Variants in CITED2 observed in about 807,000 individuals in gnomAD.
CITED2 encodes the protein Cbp/p300 interacting transactivator with ED-rich tail 2.
In CITED2, 2 loss-of-function variants were observed where a neutral mutation model predicts 11.8. The observed-to-expected ratio is 0.17, with a 90% CI of 0.07 to 0.54. The LOEUF (loss-of-function observed/expected upper bound fraction) is 0.54, where lower values mean the gene tolerates loss of function less well. Ranked by LOEUF, CITED2 falls within the 20% of genes least tolerant of loss-of-function variation. The pLI is 0.94. For missense variants in CITED2, 437 were observed against 390.2 expected, an observed-to-expected ratio of 1.12 and a Z score of -1.01; for synonymous variants, 210 against 153.0, an observed-to-expected ratio of 1.37 and a Z score of -2.75.
rs1175839177 is a variant in CITED2 at position 139,372,379 on chromosome 6, G to A, written c.*753C>T. The stretch of plus-strand genomic sequence containing the variant: ...TTCCTAAAAAGCTTTCAACACAGTA[G>A]TATCTTTTCATGTACTGAATATAAC... On this transcript the variant is annotated 3_prime_UTR_variant, in exon 2 of 2. Coordinates refer to ENST00000367651, the MANE Select transcript of CITED2 (RefSeq NM_006079.5). 6.6e-6 allele frequency: 1 copy of A among 152,552 alleles called. No homozygotes were observed. The highest frequency in any genetic ancestry group is 2.4e-5 in the African/African-American group (1 of 41,404). 9.4% of individuals were successfully genotyped at this position (152,552 alleles called of 1,614,324 possible). A position where few individuals can be genotyped will look rare whatever the true frequency, so the allele number is the denominator to read the frequency against.
intron 1 of CITED2, 162 bp downstream of exon 1, chr6:139,374,251 C>A: frequency 7.4e-7 from 1 of 1,356,454 alleles, no homozygotes; most frequent in Non-Finnish European, 9.7e-7. Context: ...TGCCCCGTAG[C>A]CCTGCTGCGA....
chr6:139,374,640 A>C lies in CITED2; in HGVS notation c.-236T>G. ...CAGGACCGCCCGGCAGCTGCCAACAATGAGCTGTGTTTCTTAGGGCTTTGG... is the reference window on the plus strand; with the variant it reads ...CAGGACCGCCCGGCAGCTGCCAACACTGAGCTGTGTTTCTTAGGGCTTTGG... On this transcript the variant is annotated 5_prime_UTR_variant, in exon 1 of 2. Coordinates refer to ENST00000367651, the MANE Select transcript of CITED2 (RefSeq NM_006079.5). 2 of 157,524 alleles carry C rather than the reference A, an allele frequency of 1.3e-5. No homozygotes were observed. The highest frequency in any genetic ancestry group is 2.8e-5 in the Non-Finnish European group (2 of 71,480). The allele number at this position is 157,524 out of a possible 1,614,324, so 9.8% of individuals were successfully genotyped here.
chr6:139,373,956 G>T lies in CITED2; in HGVS notation c.-8-4C>A, dbSNP rs1039752293. On this transcript the variant is annotated splice_polypyrimidine_tract_variant and splice_region_variant and intron_variant, in intron 1 of 1. Coordinates refer to ENST00000367651, the MANE Select transcript of CITED2 (RefSeq NM_006079.5). ...ATATGGTCTGCCATTTCCAGTCCTG[G>T]AAGTGAAAAGGGCAGATAATGAGAC... is the stretch of plus-strand genomic sequence containing the variant. 1 of 1,596,824 alleles carries T rather than the reference G, an allele frequency of 6.3e-7. No homozygotes were observed. Among genetic ancestry groups the T allele is most frequent in the Middle Eastern group, 1.9e-4 (1 of 5,168 alleles).
At position 139,372,693 on chromosome 6, in the gene CITED2, C is replaced by T; in HGVS notation, c.*439G>A. 1 of 226,276 alleles carries T rather than the reference C, an allele frequency of 4.4e-6. No individual in the cohort carries two copies. Among genetic ancestry groups the T allele is most frequent in the Non-Finnish European group, 9.1e-6 (1 of 109,906 alleles). The allele number at this position is 226,276 out of a possible 1,614,324, so 14.0% of individuals were successfully genotyped here. A position where few individuals can be genotyped will look rare whatever the true frequency, so the allele number is the denominator to read the frequency against. On this transcript the variant is annotated 3_prime_UTR_variant, in exon 2 of 2. Coordinates refer to ENST00000367651, the MANE Select transcript of CITED2 (RefSeq NM_006079.5). ...GGCAGTTTGTGCAGTAATATCTGCCCTTCGAAGTTCATGCAACCAACTAAT... is the reference window on the plus strand; with the variant it reads ...GGCAGTTTGTGCAGTAATATCTGCCTTTCGAAGTTCATGCAACCAACTAAT...
Position 139,372,701 on chromosome 6 carries a change from T to G in CITED2, c.*431A>C. On this transcript the variant is annotated 3_prime_UTR_variant, in exon 2 of 2. Coordinates refer to ENST00000367651, the MANE Select transcript of CITED2 (RefSeq NM_006079.5). ...GTGCAGTAATATCTGCCCTTCGAAG[T>G]TCATGCAACCAACTAATGCAATTTT... 4.4e-6 allele frequency: 1 copy of G among 229,054 alleles called. No individual in the cohort carries two copies. The highest frequency in any genetic ancestry group is 9.0e-6 in the Non-Finnish European group (1 of 111,438). 14.2% of individuals were successfully genotyped at this position (229,054 alleles called of 1,614,324 possible). A position where few individuals can be genotyped will look rare whatever the true frequency, so the allele number is the denominator to read the frequency against.
In CITED2 at chr6:139,373,179, T is replaced by A; in HGVS notation, c.766A>T (p.Met256Leu). The A allele has an allele frequency of 6.2e-7, 1 of 1,614,220 alleles. No individual in the cohort carries two copies. The highest frequency in any genetic ancestry group is 1.7e-5 in the Admixed American group (1 of 60,028). The change falls in exon 2 of 2, where the codon ATG (methionine) becomes TTG (leucine). Residue 256 changes from methionine to leucine, a missense_variant. Transcript: ENST00000367651. ...TGCTGTTTGCACACGAAGTCCGTCA[T>A]AAAATCAAACTCGTTTTGCCCCAGC... ...LWLGQNEFDF[M>L]TDFVCKQQPS...
rs1486850504 is a variant in CITED2 at position 139,372,160 on chromosome 6, G to A, written c.*972C>T. On this transcript the variant is annotated 3_prime_UTR_variant, in exon 2 of 2. Coordinates refer to ENST00000367651, the MANE Select transcript of CITED2 (RefSeq NM_006079.5). ...TTAGTGTCCTGTAATTTATCCTTTGGAATGCTTACTCTCATCAATAGTGTT... is the reference window on the plus strand; with the variant it reads ...TTAGTGTCCTGTAATTTATCCTTTGAAATGCTTACTCTCATCAATAGTGTT... The A allele has an allele frequency of 6.6e-6, 1 of 152,106 alleles. No individual in the cohort carries two copies. Among genetic ancestry groups the A allele is most frequent in the African/African-American group, 2.4e-5 (1 of 41,370 alleles). 9.4% of individuals were successfully genotyped at this position (152,106 alleles called of 1,614,324 possible). A position where few individuals can be genotyped will look rare whatever the true frequency, so the allele number is the denominator to read the frequency against.
chr6:139,374,066 G>A (rs2114780164), intron 1 of CITED2, 114 bp from the exon 2 acceptor site: 4 of 1,525,388 alleles, frequency 2.6e-6, no homozygotes, highest in East Asian at 2.5e-5. Flanking sequence ...CGTCGGCTGC[G>A]AACCACCACC....
In CITED2 at chr6:139,371,908, GA is replaced by G. The variant is rs1203653302; in HGVS notation, c.*1223del. The G allele has an allele frequency of 1.3e-5, 2 of 151,702 alleles. No homozygotes were observed. The highest frequency in any genetic ancestry group is 2.9e-5 in the Non-Finnish European group (2 of 67,976). 9.4% of individuals were successfully genotyped at this position (151,702 alleles called of 1,614,324 possible). On this transcript the variant is annotated 3_prime_UTR_variant, in exon 2 of 2. Coordinates refer to ENST00000367651, the MANE Select transcript of CITED2 (RefSeq NM_006079.5). ...GAATCAGGTATAAACAGAAACACTT[GA>G]TTTTTTTTGCCTCCTGCCCATTGAA... is the stretch of plus-strand genomic sequence containing the variant.
intron 1 of CITED2, chr6:139,374,153 C>G: frequency 6.8e-7 from 1 of 1,465,262 alleles, no homozygotes; most frequent in Non-Finnish European, 9.0e-7. Flanking sequence ...CAGCCGGACG[C>G]TGCACAAACA....
In CITED2 at chr6:139,373,805, G is replaced by A. The variant is rs1778314257; in HGVS notation, c.140C>T (p.Ala47Val). ...HHHQQQQPQH[A>V]FNALMGEHIH... is the part of the protein sequence containing the mutation. ...GTGCTCGCCCATTAGGGCGTTGAAGGCGTGCTGGGGCTGCTGCTGCTGGTG... is the reference window on the plus strand; with the variant it reads ...GTGCTCGCCCATTAGGGCGTTGAAGACGTGCTGGGGCTGCTGCTGCTGGTG... Residue 47 changes from alanine (A) to valine (V), a missense_variant, in exon 2 of 2, where the codon GCC (alanine) becomes GTC (valine). By Grantham distance (64) the Ala-to-Val change is moderately conservative. Coordinates refer to ENST00000367651, the MANE Select transcript of CITED2 (RefSeq NM_006079.5). 1.2e-6 allele frequency: 2 copies of A among 1,609,296 alleles called. No individual in the cohort carries two copies. Among genetic ancestry groups the A allele is most frequent in the Non-Finnish European group, 1.7e-6 (2 of 1,179,968 alleles).
Position 139,373,640 on chromosome 6 carries a change from G to A in CITED2, c.305C>T (p.Pro102Leu). ...CAGGGAGCCTCCCTGGCTGGCCACC[G>A]GGGGACCCATGAACTGGGAGTTGTT... Reference protein sequence around the residue: ...RFNNSQFMGPPVASQGGSLPA... With the variant: ...RFNNSQFMGPLVASQGGSLPA... The change falls in exon 2 of 2, where the codon CCG (proline) becomes CTG (leucine). Residue 102 changes from proline to leucine, a missense_variant. Coordinates refer to ENST00000367651, the MANE Select transcript of CITED2 (RefSeq NM_006079.5). The A allele has an allele frequency of 1.2e-6, 2 of 1,613,732 alleles. No individual in the cohort carries two copies. Among genetic ancestry groups the A allele is most frequent in the Non-Finnish European group, 1.7e-6 (2 of 1,179,868 alleles).
chr6:139,373,690 G>T lies in CITED2; in HGVS notation c.255C>A (p.Ser85Arg), dbSNP rs151311908. The T allele has an allele frequency of 6.2e-7, 1 of 1,611,130 alleles. No individual in the cohort carries two copies. The highest frequency in any genetic ancestry group is 1.7e-5 in the Admixed American group (1 of 59,984). The change falls in exon 2 of 2, where the codon AGC becomes AGA. Residue 85 changes from serine to arginine, a missense_variant. This residue lies in a region of CITED2 where 396 missense variants were observed against 325.2 expected (regional missense o/e 1.22). Transcript: ENST00000367651. ...PGTVNGGHPP[S>R]ALAPAARFNN... The stretch of plus-strand genomic sequence containing the variant: ...TAAACCTGGCCGCGGGGGCCAGCGC[G>T]CTCGGGGGGTGCCCTCCGTTCACAG...
chr6:139,374,336 C>A (rs34394782), intron 1 of CITED2, 77 bp downstream of exon 1: 1 of 640,574 alleles, frequency 1.6e-6, no homozygotes, highest in Non-Finnish European at 2.5e-6. Context: ...TCGCCTCACG[C>A]TCTTCCTCCG....
chr6:139,372,129 C>T lies in CITED2; in HGVS notation c.*1003G>A, dbSNP rs144609884. 1.7e-4 allele frequency: 26 copies of T among 152,186 alleles called. No individual in the cohort carries two copies. The highest frequency in any genetic ancestry group is 2.9e-4 in the Non-Finnish European group (20 of 68,014). 9.4% of individuals were successfully genotyped at this position (152,186 alleles called of 1,614,324 possible). On this transcript the variant is annotated 3_prime_UTR_variant, in exon 2 of 2. Transcript: ENST00000367651. Reference sequence around the variant, plus strand: ...TGCTCTCCGCTTAAGCTCATCATGACCTGTTTTAGTGTCCTGTAATTTATC... The same window carrying T: ...TGCTCTCCGCTTAAGCTCATCATGATCTGTTTTAGTGTCCTGTAATTTATC...
In CITED2 at chr6:139,374,448, G is replaced by A. The variant is rs1471889527; in HGVS notation, c.-44C>T. 1 of 368,950 alleles carries A rather than the reference G, an allele frequency of 2.7e-6. No homozygotes were observed. The highest frequency in any genetic ancestry group is 4.9e-6 in the Non-Finnish European group (1 of 203,128). The allele number at this position is 368,950 out of a possible 1,614,324, so 22.9% of individuals were successfully genotyped here. ...TGCGATTTCTGCTCCGAAGACCGAG[G>A]GCGGGCTCGTCGCGTCCAGGACCGG... is the stretch of plus-strand genomic sequence containing the variant. On this transcript the variant is annotated 5_prime_UTR_variant, in exon 1 of 2. Transcript: ENST00000367651.
At chr6:139,373,986 G>C in intron 1 of CITED2, 34 bp from the exon 2 acceptor site, 1 of 1,575,220 alleles carries the variant, frequency 6.3e-7, no homozygotes, top group Non-Finnish European at 8.6e-7. Context: ...TGAGACCCGC[G>C]CCACACGTGT....
rs781743337 is a variant in CITED2, at chr6:139,373,621, G to A, written c.324C>T (p.Gly108=). The A allele has an allele frequency of 1.9e-6, 3 of 1,613,978 alleles. No individual in the cohort carries two copies. The highest frequency in any genetic ancestry group is 2.5e-6 in the Non-Finnish European group (3 of 1,179,926). Residue 108 remains glycine, a synonymous_variant, in exon 2 of 2, where the codon GGC becomes GGT. Transcript: ENST00000367651. ...FMGPPVASQG[G]SLPASMQLQK... The stretch of plus-strand genomic sequence containing the variant: ...GCAGCTGCATGCTGGCCGGCAGGGA[G>A]CCTCCCTGGCTGGCCACCGGGGGAC...
intron 1 of CITED2, 65 bp downstream of exon 1, chr6:139,374,348 G>T: frequency 1.7e-6 from 1 of 589,620 alleles, no homozygotes; most frequent in Non-Finnish European, 2.8e-6. Flanking sequence ...CTTCCTCCGG[G>T]CAAACCCTGC....
Sources: allele counts gnomAD v4.1 joint callset, GRCh38; gene constraint gnomAD v4.1.1; regional missense constraint gnomAD v4.1.1; transcripts MANE v1.5; gene names NCBI Gene and HGNC (gene_info 2026-07-23, HGNC 2026-07-21).